The following MED17 variants were observed in gnomAD, a reference collection of about 807,000 sequenced individuals.
MED17 encodes the protein mediator of RNA polymerase II transcription subunit 17.
A neutral mutation model predicts 80.8 loss-of-function variants in MED17; 49 were observed. That is an observed-to-expected ratio of 0.61 (90% CI 0.48 to 0.77). The LOEUF is 0.77. Among genes scored for constraint, MED17 ranks in the 30% least tolerant of loss-of-function variants. MED17 has a pLI of 0.00. For missense variants in MED17, 718 were observed against 787.0 expected (o/e 0.91, Z 1.05); for synonymous variants, 281 against 280.4 (o/e 1.00, Z -0.02).
Position 93,784,434 on chromosome 11 carries a change from T to C in MED17, c.-80T>C, listed in dbSNP as rs556584430. 20 of 1,505,140 alleles carry C rather than the reference T, an allele frequency of 1.3e-5. No individual in the cohort carries two copies. The East Asian group carries it at 4.4e-4, about 33-fold the overall frequency. The allele number at this position is 1,505,140 out of a possible 1,614,324, so 93.2% of individuals were successfully genotyped here. A position where few individuals can be genotyped will look rare whatever the true frequency, so the allele number is the denominator to read the frequency against. On this transcript the variant is annotated 5_prime_UTR_variant, in exon 1 of 12. Transcript: ENST00000251871. ...GGCTGCGGGCTTCTGAGTTCCCGGC[T>C]CTCCGCAGGGAAGCCTCCTCTTCGT...
chr11:93,802,024 T>C, intron 9 of MED17, 52 bp downstream of exon 9: 1 of 1,519,006 alleles, frequency 6.6e-7, no homozygotes, highest in Non-Finnish European at 9.1e-7. Flanking sequence ...TTGCTATTGA[T>C]GTTTGCTGAG....
chr11:93,804,418 A>G (rs1040293081), intron 9 of MED17, among the ~76,000 whole-genome samples: 4 of 152,128 alleles, frequency 2.6e-5, no homozygotes, highest in Admixed American at 6.6e-5. Context: ...CTTCAATCCA[A>G]TCAAGTTGAC....
In MED17 at chr11:93,784,650, G is replaced by A; in HGVS notation, c.137G>A (p.Arg46Gln). The A allele has an allele frequency of 1.3e-6, 2 of 1,571,702 alleles. No individual in the cohort carries two copies. Among genetic ancestry groups the A allele is most frequent in the East Asian group, 2.3e-5 (1 of 43,120 alleles). ...CAGAATCTGGCGCGTCTGGCCCAGC[G>A]GATAGACTTCAGCCAGGGTTCGGGC... is the stretch of plus-strand genomic sequence containing the variant. ...MSQNLARLAQ[R>Q]IDFSQGSGSE... Residue 46 changes from arginine (R) to glutamine (Q), a missense_variant, in exon 1 of 12, where the codon CGG becomes CAG. Transcript: ENST00000251871.
At chr11:93,791,776 A>G (rs1430731044) in intron 3 of MED17, among the ~76,000 whole-genome samples, 2 of 152,134 alleles carry the variant, frequency 1.3e-5, no homozygotes, top group African/African-American at 2.4e-5. Context: ...AAACAAACAA[A>G]AAAACTCGAC....
chr11:93,797,487 A>C, intron 7 of MED17, 48 bp from the exon 8 acceptor site: 1 of 1,497,736 alleles, frequency 6.7e-7, no homozygotes, highest in Non-Finnish European at 9.3e-7. Context: ...AATATTATGT[A>C]GCATTTACTA....
rs117654845 is a variant in MED17 at position 93,784,345 on chromosome 11, C to T, written c.-169C>T. 13,473 of 880,634 alleles carry T rather than the reference C, an allele frequency of 0.015. 147 individuals carry two copies. The highest frequency in any genetic ancestry group is 0.019 in the Non-Finnish European group (11,671 of 599,992). The allele number at this position is 880,634 out of a possible 1,614,324, so 54.6% of individuals were successfully genotyped here. On this transcript the variant is annotated 5_prime_UTR_variant, in exon 1 of 12. Coordinates refer to ENST00000251871, the MANE Select transcript of MED17 (RefSeq NM_004268.5). ...GGTGCGTTCTGGGAAAGTTGCTGGG[C>T]CAGCTCCTTTGTTTCCAGTCTGAGC...
intron 7 of MED17, 92 bp downstream of exon 7, chr11:93,796,632 T>A (rs1943906063): frequency 1.4e-6 from 2 of 1,391,606 alleles, no homozygotes; most frequent in Admixed American, 1.7e-5. Context: ...GAGTCTTGAT[T>A]ATTCACATAG....
intron 10 of MED17, chr11:93,808,770 A>G (rs1565294897): frequency 6.6e-6 from 1 of 152,068 alleles, no homozygotes; most frequent in Non-Finnish European, 1.5e-5. Context: ...ACACACACAA[A>G]AATATATTAG....
intron 3 of MED17, among the ~76,000 whole-genome samples, chr11:93,791,163 TA>T (rs1943832738): frequency 6.6e-6 from 1 of 152,230 alleles, no homozygotes; most frequent in South Asian, 2.1e-4. Context: ...CATCCTTCTA[TA>T]ATGTATTATT....
At chr11:93,795,866 C>T (rs16919383) in intron 6 of MED17, 2,437 of 158,582 alleles carry the variant, frequency 0.015, 58 homozygotes, top group African/African-American at 0.054. Context: ...CAGTCTTTAG[C>T]CAGTTCAAGG....
chr11:93,792,933 C>G (rs192061666), intron 3 of MED17, among the ~76,000 whole-genome samples: 46 of 151,842 alleles, frequency 3.0e-4, no homozygotes, highest in Admixed American at 9.9e-4. Context: ...AGAGGGAGAC[C>G]TTGTCTCTAA....
intron 1 of MED17, 136 bp downstream of exon 1, chr11:93,784,899 A>T (rs1943752774): frequency 1.6e-6 from 2 of 1,262,342 alleles, no homozygotes; most frequent in East Asian, 2.5e-5. Context: ...GCGTAAGGAT[A>T]CTTGGTCGTC....
In MED17 at chr11:93,784,612, G is replaced by T. The variant is rs112976734; in HGVS notation, c.99G>T (p.Pro33=). The T allele has an allele frequency of 8.8e-6, 14 of 1,599,762 alleles. No homozygotes were observed. In the South Asian group the frequency reaches 1.5e-4, roughly 17 times the overall value. Residue 33 remains proline (P), a synonymous_variant, in exon 1 of 12, where the codon CCG becomes CCT. Coordinates refer to ENST00000251871, the MANE Select transcript of MED17 (RefSeq NM_004268.5). ...ATGGCACCGAGACGTACCTGCCCCCGCTGTCCATGTCGCAGAATCTGGCGC... is the reference window on the plus strand; with the variant it reads ...ATGGCACCGAGACGTACCTGCCCCCTCTGTCCATGTCGCAGAATCTGGCGC... ...GLDGTETYLP[P]LSMSQNLARL...
chr11:93,797,661 A>C lies in MED17; in HGVS notation c.1270A>C (p.Ser424Arg), dbSNP rs916785618. 1.9e-5 allele frequency: 30 copies of C among 1,613,796 alleles called. No individual in the cohort carries two copies. Among genetic ancestry groups the C allele is most frequent in the Middle Eastern group, 3.3e-4 (2 of 6,084 alleles). ...AAATGAAATTAATTCATTACAGTCC[A>C]GTGAAGGGCTTCTGGAAAAAATAAT... ...DKNEINSLQS[S>R]EGLLEKIIKQ... The change falls in exon 8 of 12, where the codon AGT (serine) becomes CGT (arginine). Residue 424 changes from serine (S) to arginine (R), a missense_variant. Transcript: ENST00000251871.
At position 93,786,997 on chromosome 11, in the gene MED17, G is replaced by A. The variant is rs115766536; in HGVS notation, c.251-1004G>A. ...TATCATACAGTGTTAGAAGAATTAAGTAGACTCATAAGTACTAACATGGAA... is the reference window on the plus strand; with the variant it reads ...TATCATACAGTGTTAGAAGAATTAAATAGACTCATAAGTACTAACATGGAA... On this transcript the variant is annotated intron_variant, in intron 1 of 11. Coordinates refer to ENST00000251871, the MANE Select transcript of MED17 (RefSeq NM_004268.5). Among the ~76,000 whole-genome samples, 818 of 152,174 alleles carry A rather than the reference G, an allele frequency of 5.4e-3. 11 individuals carry two copies. Among genetic ancestry groups the A allele is most frequent in the African/African-American group, 0.019 (778 of 41,512 alleles).
intron 9 of MED17, among the ~76,000 whole-genome samples, chr11:93,805,033 C>T: frequency 6.6e-6 from 1 of 152,096 alleles, no homozygotes; most frequent in East Asian, 1.9e-4. Flanking sequence ...ATTCATGTGG[C>T]CATAAGGTCC....
chr11:93,807,241 G>A (rs539254762), intron 9 of MED17: 45 of 340,782 alleles, frequency 1.3e-4, no homozygotes, highest in South Asian at 5.4e-4. Context: ...GTGAAATTCC[G>A]TCTCTACTAA....
intron 2 of MED17, chr11:93,788,770 A>T (rs1943800187): frequency 6.6e-6 from 1 of 152,086 alleles, no homozygotes; most frequent in Non-Finnish European, 1.5e-5. Flanking sequence ...GTGATATATT[A>T]CACAAAAATG....
intron 10 of MED17, chr11:93,808,390 AAAG>A (rs1441872239): frequency 2.7e-5 from 4 of 148,866 alleles, no homozygotes; most frequent in Admixed American, 6.7e-5. Context: ...AAAAAAAAAA[AAAG>A]GTGATGTGTT....
Sources: allele counts gnomAD v4.1 joint callset (sites outside exome capture counted in the v4.1 genomes callset), GRCh38; gene constraint gnomAD v4.1.1; transcripts MANE v1.5; gene names NCBI Gene and HGNC (gene_info 2026-07-23, HGNC 2026-07-21).